The following SEZ6L variants were observed in gnomAD, a reference collection of about 807,000 sequenced individuals.
SEZ6L encodes the protein seizure related 6 homolog like.
SEZ6L carries 37 observed loss-of-function variants against 106.2 expected under a neutral mutation model. The ratio of observed to expected loss-of-function variants is 0.35; its 90% CI spans 0.27 to 0.46. The LOEUF is 0.46. Ranked by LOEUF, SEZ6L falls within the 20% of genes least tolerant of loss-of-function variation. The pLI is 1.00. For missense variants in SEZ6L, 1,172 were observed against 1,332.8 expected, an observed-to-expected ratio of 0.88 and a Z score of 1.88; for synonymous variants, 541 against 570.4, an observed-to-expected ratio of 0.95 and a Z score of 0.73.
chr22:26,218,796 G>A (rs958066365), intron 1 of SEZ6L, among the ~76,000 whole-genome samples: 5 of 152,158 alleles, frequency 3.3e-5, no homozygotes, highest in Non-Finnish European at 7.3e-5. Flanking sequence ...AATTAGCCAG[G>A]TGTAGTGGTG....
At position 26,169,780 on chromosome 22, in the gene SEZ6L, GC is replaced by G; in HGVS notation, c.94+18del. The G allele has an allele frequency of 8.2e-7, 1 of 1,222,460 alleles. No individual in the cohort carries two copies. The highest frequency in any genetic ancestry group is 1.0e-6 in the Non-Finnish European group (1 of 974,652). The allele number at this position is 1,222,460 out of a possible 1,614,324, so 75.7% of individuals were successfully genotyped here. A position where few individuals can be genotyped will look rare whatever the true frequency, so the allele number is the denominator to read the frequency against. On this transcript the variant is annotated intron_variant, in intron 1 of 16. Coordinates refer to ENST00000248933, the MANE Select transcript of SEZ6L (RefSeq NM_021115.5). ...TGGAGCGAGGTAAGCGCCCCGAGGG[GC>G]GGGGCGGGCAGGGGGCAAAGTTGCC...
chr22:26,260,985 G>A (rs1169624511), intron 1 of SEZ6L, among the ~76,000 whole-genome samples: 1 of 152,156 alleles, frequency 6.6e-6, no homozygotes, highest in Non-Finnish European at 1.5e-5. Context: ...GATCATTAGT[G>A]ATGTTGAGCA....
intron 1 of SEZ6L, among the ~76,000 whole-genome samples, chr22:26,221,194 A>ACCTTC (rs1371274500): frequency 6.6e-6 from 1 of 151,808 alleles, no homozygotes; most frequent in African/African-American, 2.4e-5. Flanking sequence ...TATTCACCTG[A>ACCTTC]CCTTCCCTTC....
intron 9 of SEZ6L, 116 bp downstream of exon 9, chr22:26,314,018 G>T: frequency 9.5e-7 from 1 of 1,054,600 alleles, no homozygotes; most frequent in Non-Finnish European, 1.4e-6. Context: ...TATGTGCCGG[G>T]ACTATGCAGA....
intron 1 of SEZ6L, among the ~76,000 whole-genome samples, chr22:26,247,985 G>A (rs923885812): frequency 5.3e-5 from 8 of 152,154 alleles, no homozygotes; most frequent in Non-Finnish European, 1.0e-4. Flanking sequence ...TCCAGAGAGT[G>A]TCCAGGCAGT....
chr22:26,308,617 A>G (rs192700722), intron 6 of SEZ6L, among the ~76,000 whole-genome samples: 113 of 152,264 alleles, frequency 7.4e-4, no homozygotes, highest in Middle Eastern at 3.4e-3. Context: ...CCTTGCCTTG[A>G]AAGGTCGTAA....
chr22:26,178,136 T>C (rs1226021121), intron 1 of SEZ6L, among the ~76,000 whole-genome samples: 1 of 152,162 alleles, frequency 6.6e-6, no homozygotes. Flanking sequence ...CATGGGACAT[T>C]TACATTATGT....
At chr22:26,279,009 G>A (rs2080664029) in intron 1 of SEZ6L, among the ~76,000 whole-genome samples, 1 of 122,074 alleles carries the variant, frequency 8.2e-6, no homozygotes, top group South Asian at 2.4e-4. Context: ...AGGAAGGAAG[G>A]GAAGGAAGGA....
At chr22:26,297,518 A>G (rs2081335313) in intron 4 of SEZ6L, among the ~76,000 whole-genome samples, 1 of 152,220 alleles carries the variant, frequency 6.6e-6, no homozygotes, top group Non-Finnish European at 1.5e-5. Context: ...CAGCTAAGGT[A>G]GAGGTTAATG....
intron 9 of SEZ6L, among the ~76,000 whole-genome samples, chr22:26,333,069 A>G (rs1055819927): frequency 5.9e-5 from 9 of 152,380 alleles, no homozygotes; most frequent in African/African-American, 1.9e-4. Flanking sequence ...AAGCTATCCA[A>G]TGGGACCAGT....
intron 1 of SEZ6L, among the ~76,000 whole-genome samples, chr22:26,223,577 C>A (rs1297312643): frequency 6.6e-6 from 1 of 151,920 alleles, no homozygotes; most frequent in Admixed American, 6.6e-5. Flanking sequence ...AATCTTGGCC[C>A]AGCTGATTTT....
chr22:26,364,845 T>C (rs1453121302), intron 12 of SEZ6L: 1 of 153,700 alleles, frequency 6.5e-6, no homozygotes, highest in Non-Finnish European at 1.4e-5. Flanking sequence ...GAAATGAAGA[T>C]TGAGTATTGA....
chr22:26,330,918 C>T (rs1188278378), intron 9 of SEZ6L, among the ~76,000 whole-genome samples: 2 of 152,164 alleles, frequency 1.3e-5, no homozygotes, highest in Non-Finnish European at 2.9e-5. Flanking sequence ...TGTTTGCCTA[C>T]CTAAAATTGT....
intron 1 of SEZ6L, among the ~76,000 whole-genome samples, chr22:26,288,924 A>T (rs903933601): frequency 1.3e-5 from 2 of 151,948 alleles, no homozygotes; most frequent in Admixed American, 6.6e-5. Flanking sequence ...CCAAAAAAAA[A>T]CCCCCAACAT....
intron 12 of SEZ6L, 105 bp from the exon 13 acceptor site, chr22:26,365,267 G>A: frequency 2.3e-6 from 2 of 879,272 alleles, no homozygotes; most frequent in East Asian, 4.9e-5. Context: ...GATGCAGAGA[G>A]AGGATGCTGG....
intron 1 of SEZ6L, among the ~76,000 whole-genome samples, chr22:26,238,385 G>A (rs1277019242): frequency 1.3e-5 from 2 of 152,188 alleles, no homozygotes; most frequent in Non-Finnish European, 2.9e-5. Flanking sequence ...CAAAAGTTGA[G>A]GAACCGTGTT....
At chr22:26,299,350 A>G (rs1405679223) in intron 5 of SEZ6L, among the ~76,000 whole-genome samples, 181 bp downstream of exon 5, 1 of 152,144 alleles carries the variant, frequency 6.6e-6, no homozygotes, top group Non-Finnish European at 1.5e-5. Flanking sequence ...ATAATATGAA[A>G]TTTACCATTG....
intron 12 of SEZ6L, among the ~76,000 whole-genome samples, chr22:26,359,911 G>T (rs2083558335): frequency 1.3e-5 from 2 of 152,184 alleles, no homozygotes; most frequent in South Asian, 4.1e-4. Context: ...ATGGAATCTG[G>T]CTCAGAGAAT....
At chr22:26,206,505 A>C (rs1306108191) in intron 1 of SEZ6L, among the ~76,000 whole-genome samples, 1 of 152,184 alleles carries the variant, frequency 6.6e-6, no homozygotes, top group Non-Finnish European at 1.5e-5. Context: ...GGAAACTAAA[A>C]CCCAGAAAGG....
Sources: allele counts gnomAD v4.1 joint callset (sites outside exome capture counted in the v4.1 genomes callset), GRCh38; gene constraint gnomAD v4.1.1; transcripts MANE v1.5; gene names NCBI Gene and HGNC (gene_info 2026-07-23, HGNC 2026-07-21).